Variants in PLEKHA5 observed in about 807,000 individuals in gnomAD.
The protein encoded by PLEKHA5 is pleckstrin homology domain-containing family A member 5.
PLEKHA5 carries 55 observed loss-of-function variants against 181.9 expected under a neutral mutation model. That is an observed-to-expected ratio of 0.30 (90% confidence interval 0.24 to 0.38). The LOEUF is 0.38. PLEKHA5 is among the 10% of genes least tolerant of loss of function. The pLI is 1.00. For missense variants in PLEKHA5, 1,432 were observed against 1,549.5 expected (o/e 0.92, Z 1.27); for synonymous variants, 535 against 529.4 (o/e 1.01, Z -0.15).
chr12:19,280,414 A>C (rs933477664), intron 11 of PLEKHA5, among the ~76,000 whole-genome samples: 4 of 152,112 alleles, frequency 2.6e-5, no homozygotes, highest in African/African-American at 9.7e-5. Flanking sequence ...GAGAGCTCTT[A>C]TATCCAGATT....
intron 3 of PLEKHA5, among the ~76,000 whole-genome samples, chr12:19,210,507 G>T (rs1488021149): frequency 6.6e-6 from 1 of 152,154 alleles, no homozygotes; most frequent in African/African-American, 2.4e-5. Context: ...CTGGTGTACA[G>T]CTTGTCTGCT....
chr12:19,342,677 T>A (rs1375772801), intron 21 of PLEKHA5, among the ~76,000 whole-genome samples: 1 of 151,944 alleles, frequency 6.6e-6, no homozygotes, highest in African/African-American at 2.4e-5. Context: ...CTGAGGAAGC[T>A]GAGGCAGCAG....
intron 15 of PLEKHA5, among the ~76,000 whole-genome samples, chr12:19,311,121 C>T (rs889335821): frequency 3.3e-5 from 5 of 151,914 alleles, no homozygotes; most frequent in South Asian, 2.1e-4. Context: ...ACATATTGCC[C>T]GTCGTAGAAC....
At chr12:19,326,019 A>T (rs1022277293) in intron 20 of PLEKHA5, among the ~76,000 whole-genome samples, 1 of 151,958 alleles carries the variant, frequency 6.6e-6, no homozygotes, top group African/African-American at 2.4e-5. Flanking sequence ...AAAAAATAAA[A>T]TAAATAAAAT....
At chr12:19,228,751 C>T (rs1229334251) in intron 3 of PLEKHA5, among the ~76,000 whole-genome samples, 2 of 152,144 alleles carry the variant, frequency 1.3e-5, no homozygotes, top group South Asian at 2.1e-4. Flanking sequence ...CCCACCCACA[C>T]CTAGACATTC....
At chr12:19,289,413 A>G (rs2077913025) in intron 13 of PLEKHA5, among the ~76,000 whole-genome samples, 1 of 152,208 alleles carries the variant, frequency 6.6e-6, no homozygotes, top group Non-Finnish European at 1.5e-5. Flanking sequence ...AACGGAAGAG[A>G]GTTAATGCAA....
intron 8 of PLEKHA5, among the ~76,000 whole-genome samples, chr12:19,266,254 ACTT>A (rs2070348307): frequency 6.6e-6 from 1 of 151,828 alleles, no homozygotes; most frequent in Non-Finnish European, 1.5e-5. Flanking sequence ...TGGGAGGATC[ACTT>A]GAGTCCAGGA....
intron 3 of PLEKHA5, among the ~76,000 whole-genome samples, chr12:19,208,298 C>G (rs1240363091): frequency 1.3e-5 from 2 of 151,988 alleles, no homozygotes; most frequent in African/African-American, 4.8e-5. Flanking sequence ...ATCCCAGCTA[C>G]TCAGGAGGCT....
At chr12:19,285,238 A>G (rs952692074) in intron 12 of PLEKHA5, among the ~76,000 whole-genome samples, 4 of 152,332 alleles carry the variant, frequency 2.6e-5, no homozygotes, top group Admixed American at 6.5e-5. Context: ...AATCTGATCT[A>G]ATACAACTTA....
chr12:19,362,335 A>T (rs1294948396), intron 29 of PLEKHA5, among the ~76,000 whole-genome samples: 1 of 151,950 alleles, frequency 6.6e-6, no homozygotes, highest in Non-Finnish European at 1.5e-5. Context: ...GGAGTTTGAG[A>T]CCAGCCTGGC....
At chr12:19,307,974 T>A in intron 15 of PLEKHA5, among the ~76,000 whole-genome samples, 1 of 147,704 alleles carries the variant, frequency 6.8e-6, no homozygotes, top group African/African-American at 2.5e-5. Context: ...AAGAGAACGA[T>A]CAACAAGCAA....
At chr12:19,172,458 CG>C (rs201110758) in intron 3 of PLEKHA5, among the ~76,000 whole-genome samples, 2 of 151,814 alleles carry the variant, frequency 1.3e-5, no homozygotes, top group Non-Finnish European at 2.9e-5. Context: ...ACAAACGACC[CG>C]GGGGGGCAAA....
chr12:19,234,980 A>AT (rs2061198661), intron 3 of PLEKHA5, among the ~76,000 whole-genome samples: 1 of 152,140 alleles, frequency 6.6e-6, no homozygotes, highest in African/African-American at 2.4e-5. Context: ...ACTGTGGAAA[A>AT]GTTGTTTCAT....
At chr12:19,295,011 C>T (rs1403421520) in intron 15 of PLEKHA5, among the ~76,000 whole-genome samples, 3 of 152,132 alleles carry the variant, frequency 2.0e-5, no homozygotes, top group Non-Finnish European at 2.9e-5. Context: ...TTTATGCTTC[C>T]ATAGCCCAGT....
intron 10 of PLEKHA5, 59 bp downstream of exon 10, chr12:19,270,264 T>A (rs1396167859): frequency 1.1e-6 from 1 of 928,422 alleles, no homozygotes; most frequent in Non-Finnish European, 1.5e-6. Flanking sequence ...TTTGAGATAG[T>A]GTTTTTAAGA....
chr12:19,301,653 G>A (rs886169681), intron 15 of PLEKHA5, among the ~76,000 whole-genome samples: 6 of 152,148 alleles, frequency 3.9e-5, no homozygotes, highest in African/African-American at 1.4e-4. Context: ...ATAAAGTCTA[G>A]CTATATCTTT....
intron 3 of PLEKHA5, chr12:19,150,839 G>A (rs1299668730): frequency 2.6e-5 from 4 of 152,184 alleles, no homozygotes; most frequent in Admixed American, 6.5e-5. Flanking sequence ...AAAGACAGAT[G>A]AGCAGGAGAG....
intron 26 of PLEKHA5, among the ~76,000 whole-genome samples, chr12:19,357,206 C>T (rs1052741406): frequency 1.3e-5 from 2 of 150,800 alleles, no homozygotes; most frequent in South Asian, 2.1e-4. Flanking sequence ...TTTTCTATTT[C>T]AGGGTCATGG....
chr12:19,180,116 A>AC (rs2048215553), intron 3 of PLEKHA5, among the ~76,000 whole-genome samples: 1 of 152,214 alleles, frequency 6.6e-6, no homozygotes, highest in Admixed American at 6.5e-5. Flanking sequence ...ATCAAGGTGC[A>AC]GTATGCTGGT....
Sources: allele counts gnomAD v4.1 joint callset (sites outside exome capture counted in the v4.1 genomes callset), GRCh38; gene constraint gnomAD v4.1.1; transcripts MANE v1.5; gene names NCBI Gene and HGNC (gene_info 2026-07-23, HGNC 2026-07-21).